TRPM3: variants seen among roughly 807,000 people sequenced by gnomAD.
The protein encoded by TRPM3 is transient receptor potential cation channel subfamily M member 3.
TRPM3 carries 77 observed loss-of-function variants against 181.2 expected under a neutral mutation model. The observed-to-expected ratio is 0.42, with a 90% CI of 0.35 to 0.51. TRPM3 has a LOEUF of 0.51. Among genes scored for constraint, TRPM3 ranks in the 20% least tolerant of loss-of-function variants. The pLI is 0.01. For missense variants in TRPM3, 1,759 were observed against 2,196.7 expected (o/e 0.80, Z 3.98); for synonymous variants, 745 against 796.4 (o/e 0.94, Z 1.09).
chr9:70,894,880 G>A (rs777236542), intron 1 of TRPM3, among the ~76,000 whole-genome samples: 5 of 152,050 alleles, frequency 3.3e-5, no homozygotes, highest in Non-Finnish European at 5.9e-5. Context: ...GACCTATTGC[G>A]GTGCTGAAGC....
intron 7 of TRPM3, among the ~76,000 whole-genome samples, chr9:70,769,602 C>G (rs949833081): frequency 1.3e-5 from 2 of 151,850 alleles, no homozygotes; most frequent in Non-Finnish European, 2.9e-5. Flanking sequence ...TGCAGTGTAT[C>G]CCATGTTATT....
intron 22 of TRPM3, among the ~76,000 whole-genome samples, chr9:70,584,760 T>C (rs1414767936): frequency 6.6e-6 from 1 of 152,200 alleles, no homozygotes; most frequent in Admixed American, 6.5e-5. Context: ...TACCTTTCTT[T>C]TCCCTTCATC....
At chr9:71,202,470 T>C (rs144633927) in intron 1 of TRPM3, among the ~76,000 whole-genome samples, 2 of 152,322 alleles carry the variant, frequency 1.3e-5, no homozygotes, top group East Asian at 3.9e-4. Context: ...CACTAATGTT[T>C]AACAGGACTT....
At chr9:70,665,244 G>A (rs2061686918) in intron 9 of TRPM3, among the ~76,000 whole-genome samples, 1 of 151,984 alleles carries the variant, frequency 6.6e-6, no homozygotes, top group Non-Finnish European at 1.5e-5. Flanking sequence ...TCCTGTGTAA[G>A]ATCTCACTCA....
chr9:70,835,099 G>T (rs748234051), intron 5 of TRPM3, among the ~76,000 whole-genome samples: 4 of 152,028 alleles, frequency 2.6e-5, no homozygotes, highest in Non-Finnish European at 5.9e-5. Context: ...TCCCTCTCTC[G>T]TTATGTGGTG....
intron 1 of TRPM3, among the ~76,000 whole-genome samples, chr9:71,246,269 C>A: frequency 6.6e-6 from 1 of 152,032 alleles, no homozygotes; most frequent in Admixed American, 6.6e-5. Context: ...AAATTTTTTT[C>A]AAATCATTTG....
At chr9:71,163,076 T>C (rs1429234105) in intron 1 of TRPM3, among the ~76,000 whole-genome samples, 1 of 152,188 alleles carries the variant, frequency 6.6e-6, no homozygotes, top group Non-Finnish European at 1.5e-5. Context: ...ATAAAGGTCT[T>C]ATGTTCATGC....
chr9:70,794,715 A>T (rs923608499), intron 6 of TRPM3, among the ~76,000 whole-genome samples: 1 of 151,920 alleles, frequency 6.6e-6, no homozygotes, highest in Non-Finnish European at 1.5e-5. Context: ...ACTTTCCCTG[A>T]TTCACTCTCA....
intron 1 of TRPM3, among the ~76,000 whole-genome samples, chr9:70,922,878 T>C (rs1360186686): frequency 6.6e-6 from 1 of 152,220 alleles, no homozygotes; most frequent in Non-Finnish European, 1.5e-5. Context: ...ACCAGCATGT[T>C]ATATAGAATG....
Position 71,086,344 on chromosome 9 carries a change from A to G in TRPM3, c.177+34834T>C, listed in dbSNP as rs2065257713. On this transcript the variant is annotated intron_variant, in intron 1 of 25. Coordinates refer to ENST00000677713, the MANE Select transcript of TRPM3 (RefSeq NM_001366145.2). The stretch of plus-strand genomic sequence containing the variant: ...AAAACTAAACCTAAAATAAGAGTTG[A>G]AAAAAAAGAAAGAATTTTTTTAAAA... 9.2e-5 allele frequency among the ~76,000 whole-genome samples: 14 copies of G among 151,910 alleles called. No homozygotes were observed. The South Asian group carries it at 2.9e-3, about 32-fold the overall frequency.
chr9:71,239,774 TA>T (rs937144112), intron 1 of TRPM3, among the ~76,000 whole-genome samples: 5 of 152,068 alleles, frequency 3.3e-5, no homozygotes, highest in Non-Finnish European at 7.4e-5. Flanking sequence ...TTTTTTGTCT[TA>T]AAAAAGGGAA....
At chr9:71,324,607 C>A (rs1032287181) in intron 1 of TRPM3, among the ~76,000 whole-genome samples, 1 of 151,878 alleles carries the variant, frequency 6.6e-6, no homozygotes, top group African/African-American at 2.4e-5. Context: ...CCCGGCAATC[C>A]CAATACTGGG....
intron 8 of TRPM3, among the ~76,000 whole-genome samples, chr9:70,746,213 G>A (rs190737687): frequency 1.9e-4 from 29 of 152,106 alleles, no homozygotes; most frequent in East Asian, 1.4e-3. Flanking sequence ...AAACATCTTC[G>A]ACTTTTTGTT....
At chr9:71,334,293 A>G (rs2090412242) in intron 1 of TRPM3, among the ~76,000 whole-genome samples, 1 of 151,888 alleles carries the variant, frequency 6.6e-6, no homozygotes, top group African/African-American at 2.4e-5. Context: ...CAGAATACTA[A>G]TAAGCAAGCA....
intron 1 of TRPM3, among the ~76,000 whole-genome samples, chr9:70,967,861 C>T (rs2097201634): frequency 6.6e-6 from 1 of 152,064 alleles, no homozygotes; most frequent in South Asian, 2.1e-4. Flanking sequence ...CCCCACAATA[C>T]ACTGTGGATA....
intron 1 of TRPM3, among the ~76,000 whole-genome samples, chr9:70,997,770 TTGAC>T (rs2097554821): frequency 6.6e-6 from 1 of 152,164 alleles, no homozygotes; most frequent in South Asian, 2.1e-4. Flanking sequence ...TTAATTATAA[TTGAC>T]TGTGGATTTC....
rs755517508 is a variant in TRPM3, at chr9:70,615,889, C to T, written c.2526+19G>A. ...TAGGAATTCTGCCCATAGAGAATAA[C>T]TGTGCAATGTTTTCTTACTGTGAGC... On this transcript the variant is annotated intron_variant, in intron 18 of 25. Coordinates refer to ENST00000677713, the MANE Select transcript of TRPM3 (RefSeq NM_001366145.2). 1.6e-5 allele frequency: 25 copies of T among 1,589,250 alleles called. No individual in the cohort carries two copies. In the East Asian group the frequency reaches 5.4e-4, roughly 34 times the overall value.
At chr9:70,765,672 C>A (rs549155477) in intron 7 of TRPM3, among the ~76,000 whole-genome samples, 2 of 152,164 alleles carry the variant, frequency 1.3e-5, no homozygotes, top group Non-Finnish European at 2.9e-5. Flanking sequence ...AACTAGATTT[C>A]TTCTGTTTGG....
chr9:71,037,373 A>G (rs1187633092), intron 1 of TRPM3, among the ~76,000 whole-genome samples: 1 of 152,234 alleles, frequency 6.6e-6, no homozygotes, highest in African/African-American at 2.4e-5. Flanking sequence ...CAAATCCAAC[A>G]GTTTGACTGG....
Sources: gnomAD v4.1 joint callset for allele counts (sites outside exome capture counted in the v4.1 genomes callset) on GRCh38, gnomAD v4.1.1 for gene constraint, MANE v1.5 for transcripts, NCBI Gene and HGNC (gene_info 2026-07-23, HGNC 2026-07-21) for gene names.